Variants in PHLPP1 observed in about 807,000 individuals in gnomAD.
The protein encoded by PHLPP1 is PH domain leucine-rich repeat-containing protein phosphatase 1.
Under a neutral mutation model 117.2 loss-of-function variants are expected in PHLPP1, and 42 were observed. That is an observed-to-expected ratio of 0.36 (90% CI 0.28 to 0.46). The LOEUF is 0.46. Ranked by LOEUF, PHLPP1 falls within the 20% of genes least tolerant of loss-of-function variation. The pLI is 1.00. For synonymous variants in PHLPP1, 1,042 were observed against 970.7 expected, an observed-to-expected ratio of 1.07 and a Z score of -1.37; for missense variants, 2,084 against 2,241.9, an observed-to-expected ratio of 0.93 and a Z score of 1.42.
intron 3 of PHLPP1, among the ~76,000 whole-genome samples, chr18:62,841,332 T>TC (rs1491129222): frequency 2.4e-5 from 3 of 126,332 alleles, no homozygotes; most frequent in East Asian, 2.1e-4. Context: ...TCTTTCTCTC[T>TC]TTTTTTTTTT....
chr18:62,813,110 A>G (rs1914170581), intron 1 of PHLPP1, among the ~76,000 whole-genome samples: 1 of 152,224 alleles, frequency 6.6e-6, no homozygotes, highest in African/African-American at 2.4e-5. Context: ...CAAATTTCAA[A>G]TATGTTTTGC....
At chr18:62,974,340 G>A (rs1599149053) in intron 15 of PHLPP1, among the ~76,000 whole-genome samples, 1 of 152,154 alleles carries the variant, frequency 6.6e-6, no homozygotes, top group East Asian at 1.9e-4. Flanking sequence ...TGAGCTTTTG[G>A]TCCTTAGGGG....
intron 1 of PHLPP1, among the ~76,000 whole-genome samples, chr18:62,732,344 G>C (rs1911250139): frequency 6.6e-6 from 1 of 152,122 alleles, no homozygotes; most frequent in African/African-American, 2.4e-5. Flanking sequence ...TGCTAAATCT[G>C]CTCTGTCTGT....
At chr18:62,952,323 C>CT (rs1396334450) in intron 12 of PHLPP1, among the ~76,000 whole-genome samples, 1 of 152,172 alleles carries the variant, frequency 6.6e-6, no homozygotes, top group African/African-American at 2.4e-5. Context: ...GATACATTTT[C>CT]TTAAAGTCAA....
chr18:62,901,262 AC>A (rs1371557709), intron 6 of PHLPP1, among the ~76,000 whole-genome samples: 1 of 152,132 alleles, frequency 6.6e-6, no homozygotes, highest in Non-Finnish European at 1.5e-5. Context: ...AGTCTGTTGT[AC>A]CCAAGATGAG....
At chr18:62,898,014 C>CTTT in intron 6 of PHLPP1, among the ~76,000 whole-genome samples, 1 of 142,964 alleles carries the variant, frequency 7.0e-6, no homozygotes, top group Non-Finnish European at 1.6e-5. Flanking sequence ...ATTCCTCCTC[C>CTTT]CTTCTCCTCT....
intron 1 of PHLPP1, among the ~76,000 whole-genome samples, chr18:62,829,061 A>T (rs2144330351): frequency 6.6e-6 from 1 of 151,990 alleles, no homozygotes; most frequent in East Asian, 1.9e-4. Flanking sequence ...GGAAGTGAAG[A>T]CTCTTCAGAC....
intron 1 of PHLPP1, among the ~76,000 whole-genome samples, chr18:62,741,357 A>G (rs544199204): frequency 6.6e-6 from 1 of 152,258 alleles, no homozygotes; most frequent in Non-Finnish European, 1.5e-5. Flanking sequence ...CATATGGGAC[A>G]CTGTCTTTTT....
intron 6 of PHLPP1, among the ~76,000 whole-genome samples, chr18:62,899,509 C>T (rs1916660645): frequency 1.3e-5 from 2 of 152,184 alleles, no homozygotes; most frequent in Admixed American, 1.3e-4. Flanking sequence ...TTTCCATAGC[C>T]TCTTTTTTAA....
At chr18:62,742,644 C>T (rs1272858119) in intron 1 of PHLPP1, among the ~76,000 whole-genome samples, 3 of 152,200 alleles carry the variant, frequency 2.0e-5, no homozygotes, top group Non-Finnish European at 4.4e-5. Context: ...CCGTGTTGGT[C>T]AGGCTGGTCT....
At chr18:62,966,042 A>G (rs993595446) in intron 14 of PHLPP1, among the ~76,000 whole-genome samples, 4 of 152,152 alleles carry the variant, frequency 2.6e-5, no homozygotes, top group Non-Finnish European at 5.9e-5. Flanking sequence ...CAAAGGATTG[A>G]GATAGAAGCC....
intron 6 of PHLPP1, among the ~76,000 whole-genome samples, chr18:62,902,059 C>T (rs1010627123): frequency 3.9e-5 from 6 of 152,044 alleles, no homozygotes; most frequent in Non-Finnish European, 7.4e-5. Flanking sequence ...TTGACATTTC[C>T]ATCTATTTTT....
chr18:62,789,135 G>T (rs111443132), intron 1 of PHLPP1, among the ~76,000 whole-genome samples: 53 of 152,240 alleles, frequency 3.5e-4, no homozygotes, highest in South Asian at 8.3e-4. Flanking sequence ...GAGCACACAG[G>T]GGGTGGGGAA....
intron 13 of PHLPP1, 109 bp downstream of exon 13, chr18:62,958,868 G>T: frequency 8.3e-7 from 1 of 1,210,560 alleles, no homozygotes; most frequent in Non-Finnish European, 1.2e-6. Flanking sequence ...CTTGTTAGCT[G>T]TGTTAACACA....
intron 1 of PHLPP1, among the ~76,000 whole-genome samples, chr18:62,794,270 C>G (rs35043081): frequency 0.071 from 10,709 of 151,860 alleles, 418 homozygotes; most frequent in Middle Eastern, 0.096. Flanking sequence ...CTAAGTCCCT[C>G]TCTAGAACAT....
At chr18:62,726,583 C>CTTTTTTTTTTTTT (rs869190741) in intron 1 of PHLPP1, among the ~76,000 whole-genome samples, 7 of 110,044 alleles carry the variant, frequency 6.4e-5, no homozygotes, top group Non-Finnish European at 9.3e-5. Flanking sequence ...CTGTTCTGTT[C>CTTTTTTTTTTTTT]TTTTTTTTTT....
intron 10 of PHLPP1, among the ~76,000 whole-genome samples, chr18:62,933,989 C>CA (rs1439025685): frequency 6.6e-6 from 1 of 152,134 alleles, no homozygotes; most frequent in Non-Finnish European, 1.5e-5. Flanking sequence ...CTCAACATCA[C>CA]AATCATCAGA....
At chr18:62,893,713 C>A (rs767685080) in intron 4 of PHLPP1, among the ~76,000 whole-genome samples, 1 of 152,114 alleles carries the variant, frequency 6.6e-6, no homozygotes, top group South Asian at 2.1e-4. Context: ...GTTAGCATAA[C>A]GCAGTCACTA....
At chr18:62,941,345 C>CT (rs1257679041) in intron 10 of PHLPP1, among the ~76,000 whole-genome samples, 2 of 152,298 alleles carry the variant, frequency 1.3e-5, no homozygotes, top group East Asian at 3.9e-4. Flanking sequence ...CATCCTCCTG[C>CT]TTTAGCAAAA....
Sources: gnomAD v4.1 joint callset for allele counts (sites outside exome capture counted in the v4.1 genomes callset) on GRCh38, gnomAD v4.1.1 for gene constraint, MANE v1.5 for transcripts, NCBI Gene and HGNC (gene_info 2026-07-23, HGNC 2026-07-21) for gene names.